BAZ2B: variants seen among roughly 807,000 people sequenced by gnomAD.
BAZ2B encodes bromodomain adjacent to zinc finger domain 2B.
A neutral mutation model predicts 246.0 loss-of-function variants in BAZ2B; 91 were observed. The ratio of observed to expected loss-of-function variants is 0.37; its 90% CI spans 0.31 to 0.44. BAZ2B has a LOEUF of 0.44. BAZ2B is among the 20% of genes least tolerant of loss of function. BAZ2B has a pLI of 1.00. For synonymous variants in BAZ2B, 855 were observed against 860.0 expected (o/e 0.99, Z 0.10); for missense variants, 2,332 against 2,533.7 (o/e 0.92, Z 1.71).
intron 1 of BAZ2B, among the ~76,000 whole-genome samples, chr2:159,588,467 T>C (rs1688565481): frequency 6.6e-6 from 1 of 151,902 alleles, no homozygotes; most frequent in Admixed American, 6.6e-5. Context: ...GAGGCTGCAG[T>C]GGGCTATGAT....
chr2:159,333,832 T>A lies in BAZ2B; in HGVS notation c.5797-1146A>T, dbSNP rs529588624. On this transcript the variant is annotated intron_variant, in intron 33 of 36. Coordinates refer to ENST00000392783, the MANE Select transcript of BAZ2B (RefSeq NM_013450.4). Reference sequence around the variant, plus strand: ...CTTATCAAAACAGCAGACACACTATTCAAGTTAACAAATGTTTATCAAATG... The same window carrying A: ...CTTATCAAAACAGCAGACACACTATACAAGTTAACAAATGTTTATCAAATG... 3.0e-4 allele frequency among the ~76,000 whole-genome samples: 45 copies of A among 152,248 alleles called. No homozygotes were observed. In the Middle Eastern group the frequency reaches 0.02, roughly 69 times the overall value.
At chr2:159,501,827 G>C (rs1279576698) in intron 2 of BAZ2B, among the ~76,000 whole-genome samples, 1 of 151,952 alleles carries the variant, frequency 6.6e-6, no homozygotes, top group African/African-American at 2.4e-5. Context: ...CCTATTCTTG[G>C]ACATATAACC....
chr2:159,639,967 A>C, the BAZ2B span, among the ~76,000 whole-genome samples: 1 of 152,060 alleles, frequency 6.6e-6, no homozygotes, highest in Non-Finnish European at 1.5e-5. Flanking sequence ...AACACACTTC[A>C]CCCATAAAGA....
intron 1 of BAZ2B, among the ~76,000 whole-genome samples, chr2:159,611,370 T>C (rs958535343): frequency 1.3e-5 from 2 of 151,956 alleles, no homozygotes; most frequent in Admixed American, 1.3e-4. Context: ...AATACATTTC[T>C]TAAATATTGA....
At chr2:159,705,026 T>A in the BAZ2B span, among the ~76,000 whole-genome samples, 1 of 149,936 alleles carries the variant, frequency 6.7e-6, no homozygotes, top group Non-Finnish European at 1.5e-5. Flanking sequence ...TGTTTTTTTT[T>A]TTTGGAGACA....
At chr2:159,460,469 T>C (rs1032086801) in intron 3 of BAZ2B, 17 of 152,088 alleles carry the variant, frequency 1.1e-4, no homozygotes, top group African/African-American at 4.1e-4. Flanking sequence ...AAAGTGTCTT[T>C]TAATCTTTCA....
At chr2:159,440,517 GTTT>G (rs34338793) in intron 6 of BAZ2B, among the ~76,000 whole-genome samples, 2 of 138,966 alleles carry the variant, frequency 1.4e-5, no homozygotes, top group Non-Finnish European at 3.0e-5. Context: ...AATGACTCTT[GTTT>G]TTTTTTTTTT....
At chr2:159,442,038 G>A (rs1361185440) in intron 6 of BAZ2B, among the ~76,000 whole-genome samples, 1 of 152,168 alleles carries the variant, frequency 6.6e-6, no homozygotes, top group East Asian at 1.9e-4. Flanking sequence ...GCTCTGCCTA[G>A]TGAGAACTAG....
At chr2:159,593,345 T>C (rs181337764) in intron 1 of BAZ2B, among the ~76,000 whole-genome samples, 169 of 152,292 alleles carry the variant, frequency 1.1e-3, no homozygotes, top group Admixed American at 8.4e-3. Flanking sequence ...CTTAGGATAA[T>C]GTTCCTGCGA....
chr2:159,638,960 C>T, the BAZ2B span, among the ~76,000 whole-genome samples: 82 of 152,196 alleles, frequency 5.4e-4, no homozygotes, highest in Non-Finnish European at 1.1e-3. Flanking sequence ...TAATCAAACT[C>T]CCAAAGGTCA....
At chr2:159,380,289 C>A (rs2061849271) in intron 25 of BAZ2B, among the ~76,000 whole-genome samples, 1 of 152,156 alleles carries the variant, frequency 6.6e-6, no homozygotes, top group Non-Finnish European at 1.5e-5. Context: ...TTGAAATAGT[C>A]ATCTTCATTT....
Position 159,406,990 on chromosome 2 carries a change from G to A in BAZ2B, c.2678-1876C>T, listed in dbSNP as rs1035535134. 1.3e-4 allele frequency among the ~76,000 whole-genome samples: 20 copies of A among 151,754 alleles called. 1 individual carries two copies. The highest frequency in any genetic ancestry group is 2.6e-4 in the Non-Finnish European group (18 of 67,926). Reference sequence around the variant, plus strand: ...AGGATGGTCTCGATCTCCTGACCTCGTGATTCACCTGCCTCGGCCTCCCAA... The same window carrying A: ...AGGATGGTCTCGATCTCCTGACCTCATGATTCACCTGCCTCGGCCTCCCAA... On this transcript the variant is annotated intron_variant, in intron 14 of 36. Transcript: ENST00000392783.
At chr2:159,637,446 C>A in the BAZ2B span, among the ~76,000 whole-genome samples, 9 of 152,166 alleles carry the variant, frequency 5.9e-5, no homozygotes, top group African/African-American at 2.2e-4. Flanking sequence ...GTGCTGGCCA[C>A]AAGAAGAAGC....
chr2:159,676,363 T>C, the BAZ2B span, among the ~76,000 whole-genome samples: 1 of 152,188 alleles, frequency 6.6e-6, no homozygotes, highest in Non-Finnish European at 1.5e-5. Context: ...AGATATCTTG[T>C]AAACTTACTT....
At chr2:159,552,426 A>G (rs891629140) in intron 2 of BAZ2B, among the ~76,000 whole-genome samples, 11 of 152,198 alleles carry the variant, frequency 7.2e-5, no homozygotes, top group Admixed American at 3.3e-4. Context: ...GTAAAGGAGT[A>G]AGCCATAAAA....
chr2:159,395,883 T>C, intron 19 of BAZ2B, 49 bp from the exon 20 acceptor site: 1 of 1,502,132 alleles, frequency 6.7e-7, no homozygotes, highest in Non-Finnish European at 9.1e-7. Flanking sequence ...CAATTAACAG[T>C]TTGATTTTCC....
At chr2:159,549,997 T>C (rs947922989) in intron 2 of BAZ2B, among the ~76,000 whole-genome samples, 1 of 152,040 alleles carries the variant, frequency 6.6e-6, no homozygotes, top group Non-Finnish European at 1.5e-5. Context: ...CGAATTTTTG[T>C]ATTTTTAGTA....
rs151227206 is a variant in BAZ2B, at chr2:159,405,198, T to A, written c.2678-84A>T. 5 of 1,163,712 alleles carry A rather than the reference T, an allele frequency of 4.3e-6. No homozygotes were observed. In the African/African-American group the frequency reaches 6.6e-5, roughly 15 times the overall value. 72.1% of individuals were successfully genotyped at this position (1,163,712 alleles called of 1,614,324 possible). A position where few individuals can be genotyped will look rare whatever the true frequency, so the allele number is the denominator to read the frequency against. ...CAATAACTGTGTGAAAATGGTATCA[T>A]CATAAAGGATATAATTATTACTTTT... On this transcript the variant is annotated intron_variant, in intron 14 of 36. Transcript: ENST00000392783.
Position 159,480,607 on chromosome 2 carries a change from T to C in BAZ2B, c.-2-1886A>G, listed in dbSNP as rs1043476215. On this transcript the variant is annotated intron_variant, in intron 2 of 36. Transcript: ENST00000392783. ...GCACACACACACACACACTCACAGA[T>C]AAAGTATCATTAGGTAAAGTGATAT... Among the ~76,000 whole-genome samples the C allele has an allele frequency of 4.6e-5, 7 of 151,976 alleles. No homozygotes were observed. The East Asian group carries it at 9.6e-4, about 21-fold the overall frequency.
Sources: allele counts gnomAD v4.1 joint callset (sites outside exome capture counted in the v4.1 genomes callset), GRCh38; gene constraint gnomAD v4.1.1; transcripts MANE v1.5; gene names NCBI Gene and HGNC (gene_info 2026-07-23, HGNC 2026-07-21).